Variants in TMIGD3 observed in about 807,000 individuals in gnomAD.
TMIGD3 encodes the protein transmembrane and immunoglobulin domain containing 3, also known as AD026 protein (AD026).
A neutral mutation model predicts 28.1 loss-of-function variants in TMIGD3; 21 were observed. That is an observed-to-expected ratio of 0.75 (90% CI 0.53 to 1.08). The LOEUF is 1.08. Ranked by LOEUF, TMIGD3 falls within the 50% of genes least tolerant of loss-of-function variation. TMIGD3 has a pLI of 0.00. For missense variants in TMIGD3, 416 were observed against 435.6 expected (o/e 0.96, Z 0.40); for synonymous variants, 151 against 162.1 (o/e 0.93, Z 0.52).
Position 111,489,007 on chromosome 1 carries a change from C to G in TMIGD3, c.475G>C (p.Glu159Gln). 1 of 1,610,600 alleles carries G rather than the reference C, an allele frequency of 6.2e-7. No individual in the cohort carries two copies. The highest frequency in any genetic ancestry group is 8.5e-7 in the Non-Finnish European group (1 of 1,177,422). ...AGCACAAAGCTTCTCTTGACCTTTT[C>G]ATCCATGACCATGGCATCTGTGAAA... ...ALISDAMVMD[E>Q]KVKRSFVLDT... The change falls in exon 3 of 6, where the codon GAA (glutamate) becomes CAA (glutamine). Residue 159 changes from glutamate (E) to glutamine (Q), a missense_variant. Transcript: ENST00000369716.
At chr1:111,503,991 G>A, upstream of TMIGD3, 1 of 985,408 alleles carries the variant, frequency 1.0e-6, no homozygotes, top group Non-Finnish European at 1.2e-6. Flanking sequence ...AGGCAAACGG[G>A]AGAAGCAGAG....
chr1:111,560,395 T>G (rs1657685769), intron 1 of TMIGD3, among the ~76,000 whole-genome samples: 1 of 151,714 alleles, frequency 6.6e-6, no homozygotes, highest in African/African-American at 2.4e-5. Flanking sequence ...ACTAAGTTCT[T>G]AACAAATATT....
At chr1:111,553,810 C>A (rs1267369827) in intron 1 of TMIGD3, among the ~76,000 whole-genome samples, 8 of 152,134 alleles carry the variant, frequency 5.3e-5, no homozygotes. Flanking sequence ...AACTCAAATC[C>A]ATCTCTTAAC....
intron 1 of TMIGD3, among the ~76,000 whole-genome samples, chr1:111,532,891 A>T (rs921954969): frequency 6.6e-6 from 1 of 152,160 alleles, no homozygotes; most frequent in Non-Finnish European, 1.5e-5. Flanking sequence ...TCTGCAATCT[A>T]TTGGAGTGAG....
Position 111,485,788 on chromosome 1 carries a change from CAG to C in TMIGD3, c.923_924del (p.Ser308CysfsTer15), listed in dbSNP as rs1240023851. Reference sequence around the variant, plus strand: ...CTCCTTTTGGTCAAATGACTGATTACAGAGATGATTCCCAAACCCGTGATCAG... The same window carrying C: ...CTCCTTTTGGTCAAATGACTGATTACAGATGATTCCCAAACCCGTGATCAG... ...CILITGLGII[S>X]VISHLTKRRR... On this transcript the variant is annotated frameshift_variant, in exon 5 of 6. Transcript: ENST00000369716. LOFTEE classifies it low-confidence loss of function (END_TRUNC). 1 of 1,462,260 alleles carries C rather than the reference CAG, an allele frequency of 6.8e-7. No homozygotes were observed. The allele number at this position is 1,462,260 out of a possible 1,614,324, so 90.6% of individuals were successfully genotyped here. A position where few individuals can be genotyped will look rare whatever the true frequency, so the allele number is the denominator to read the frequency against.
Position 111,497,851 on chromosome 1 carries a change from G to T in TMIGD3, c.350+5154C>A, listed in dbSNP as rs1008204230. On this transcript the variant is annotated intron_variant, in intron 1 of 5. Coordinates refer to ENST00000369716, the MANE Select transcript of TMIGD3 (RefSeq NM_020683.7). ...TTAAGTGTTTCTATGGCAACGTAGT[G>T]TACAACGTAGTGTATCTACGTTAGA... 1.1e-4 allele frequency among the ~76,000 whole-genome samples: 17 copies of T among 152,186 alleles called. 1 individual carries two copies. Among genetic ancestry groups the T allele is most frequent in the Non-Finnish European group, 2.4e-4 (16 of 68,024 alleles).
rs1654336728 is a variant in TMIGD3 at position 111,485,793 on chromosome 1, A to G, written c.920T>C (p.Ile307Thr). 6.2e-7 allele frequency: 1 copy of G among 1,612,786 alleles called. No individual in the cohort carries two copies. Among genetic ancestry groups the G allele is most frequent in the Non-Finnish European group, 8.5e-7 (1 of 1,179,698 alleles). ...TTTGGTCAAATGACTGATTACAGAG[A>G]TGATTCCCAAACCCGTGATCAGTAT... Reference protein sequence around the residue: ...ICILITGLGIISVISHLTKRR... With the variant: ...ICILITGLGITSVISHLTKRR... Residue 307 changes from isoleucine (I) to threonine (T), a missense_variant, in exon 5 of 6, where the codon ATC becomes ACC. Physicochemically the swap from Ile to Thr is moderately conservative, Grantham distance 89 (BLOSUM62 -1). Coordinates refer to ENST00000369716, the MANE Select transcript of TMIGD3 (RefSeq NM_020683.7).
chr1:111,515,680 G>A (rs1655837579), intron 1 of TMIGD3, among the ~76,000 whole-genome samples: 1 of 152,218 alleles, frequency 6.6e-6, no homozygotes, highest in Admixed American at 6.5e-5. Context: ...GGGCCCTGGC[G>A]CCGGGGACTG....
At chr1:111,540,992 A>G (rs1240927376) in intron 1 of TMIGD3, among the ~76,000 whole-genome samples, 2 of 151,738 alleles carry the variant, frequency 1.3e-5, no homozygotes, top group African/African-American at 4.9e-5. Flanking sequence ...GACAGATGAT[A>G]AATATTTTAG....
At chr1:111,510,524 T>A (rs1655654833) in intron 1 of TMIGD3, among the ~76,000 whole-genome samples, 4 of 152,168 alleles carry the variant, frequency 2.6e-5, no homozygotes, top group Admixed American at 2.6e-4. Context: ...CAGAGCTTTG[T>A]CCCATTCATT....
chr1:111,523,809 T>C (rs1656159454), intron 1 of TMIGD3, among the ~76,000 whole-genome samples: 1 of 152,016 alleles, frequency 6.6e-6, no homozygotes, highest in Non-Finnish European at 1.5e-5. Context: ...TTATGTGCCC[T>C]TTTTAATTCT....
At chr1:111,522,954 C>G (rs183768854) in intron 1 of TMIGD3, among the ~76,000 whole-genome samples, 1 of 152,320 alleles carries the variant, frequency 6.6e-6, no homozygotes, top group Admixed American at 6.5e-5. Context: ...ATACTCATCC[C>G]TTTTCAATCA....
intron 3 of TMIGD3, among the ~76,000 whole-genome samples, chr1:111,487,559 C>T (rs1654445147): frequency 6.6e-6 from 1 of 151,738 alleles, no homozygotes; most frequent in East Asian, 1.9e-4. Flanking sequence ...AGTCCTCTGT[C>T]TGAGAGACAG....
At chr1:111,550,197 G>A (rs760768607) in intron 1 of TMIGD3, among the ~76,000 whole-genome samples, 14 of 151,936 alleles carry the variant, frequency 9.2e-5, no homozygotes, top group Middle Eastern at 3.4e-3. Flanking sequence ...CCTGATTTTC[G>A]TAATTTCAGT....
In TMIGD3 at chr1:111,490,647, C is replaced by T. The variant is rs202224990; in HGVS notation, c.457+9G>A. 271 of 1,603,646 alleles carry T rather than the reference C, an allele frequency of 1.7e-4. 2 individuals carry two copies. In the South Asian group the frequency reaches 2.9e-3, roughly 17 times the overall value. On this transcript the variant is annotated intron_variant, in intron 2 of 5. Coordinates refer to ENST00000369716, the MANE Select transcript of TMIGD3 (RefSeq NM_020683.7). ...TAAAGGGCTGGAGCTGTTCCGTCCC[C>T]CATCCTACCTGAAATGAGAGCCAAG...
At chr1:111,511,296 C>T (rs1399485326) in intron 1 of TMIGD3, among the ~76,000 whole-genome samples, 3 of 152,156 alleles carry the variant, frequency 2.0e-5, no homozygotes, top group East Asian at 1.9e-4. Context: ...TCCCTTCTCC[C>T]CAAAGCATGA....
At chr1:111,531,939 T>G (rs1265591310) in intron 1 of TMIGD3, among the ~76,000 whole-genome samples, 5 of 152,088 alleles carry the variant, frequency 3.3e-5, no homozygotes, top group Non-Finnish European at 7.4e-5. Context: ...TAACTAAAAA[T>G]AAAGAAAAAC....
At chr1:111,503,646 G>C, upstream of TMIGD3, 1 of 1,155,804 alleles carries the variant, frequency 8.7e-7, no homozygotes, top group Non-Finnish European at 1.1e-6. Flanking sequence ...ATCTGAAAGT[G>C]CTGCTGCTCT....
chr1:111,515,810 T>C (rs1655843926), intron 1 of TMIGD3, among the ~76,000 whole-genome samples: 1 of 152,160 alleles, frequency 6.6e-6, no homozygotes, highest in African/African-American at 2.4e-5. Context: ...TTGAGGATGC[T>C]GGTGCTGCGC....
Sources: allele counts gnomAD v4.1 joint callset (sites outside exome capture counted in the v4.1 genomes callset), GRCh38; gene constraint gnomAD v4.1.1; transcripts MANE v1.5; gene names NCBI Gene and HGNC (gene_info 2026-07-23, HGNC 2026-07-21).